SLC5A9: variants seen among roughly 807,000 people sequenced by gnomAD.
SLC5A9 encodes solute carrier family 5 member 9, also known as sodium/glucose cotransporter 4.
In SLC5A9, 59 loss-of-function variants were observed where a neutral mutation model predicts 70.9. That is an observed-to-expected ratio of 0.83 (90% CI 0.68 to 1.03). The LOEUF (loss-of-function observed/expected upper bound fraction) is 1.03. Among genes scored for constraint, SLC5A9 ranks in the 50% least tolerant of loss-of-function variants. The probability of loss-of-function intolerance (pLI) is 0.00; values close to 1 mark genes in which losing one functional copy is unlikely to be tolerated. For missense variants in SLC5A9, 832 were observed against 881.1 expected, an observed-to-expected ratio of 0.94 and a Z score of 0.71; for synonymous variants, 340 against 346.5, an observed-to-expected ratio of 0.98 and a Z score of 0.21.
At chr1:48,237,579 C>T in intron 10 of SLC5A9, 100 bp from the exon 11 acceptor site, 1 of 1,150,148 alleles carries the variant, frequency 8.7e-7, no homozygotes, top group East Asian at 2.4e-5. Flanking sequence ...ATTGTACATT[C>T]CCCTTCTTTC....
chr1:48,232,897 G>A (rs1396646841), intron 8 of SLC5A9, among the ~76,000 whole-genome samples: 1 of 139,946 alleles, frequency 7.1e-6, no homozygotes, highest in Non-Finnish European at 1.6e-5. Flanking sequence ...AAGAAAGGAA[G>A]GAAGGAAGGA....
intron 12 of SLC5A9, chr1:48,240,361 A>AC (rs1204800464): frequency 1.3e-5 from 2 of 151,726 alleles, no homozygotes; most frequent in African/African-American, 4.9e-5. Context: ...TTCTGTAAAG[A>AC]CCCCATCTCC....
intron 2 of SLC5A9, among the ~76,000 whole-genome samples, chr1:48,227,599 G>A (rs1428132268): frequency 1.3e-5 from 2 of 150,656 alleles, no homozygotes; most frequent in Non-Finnish European, 3.0e-5. Context: ...GCCTGTGTGT[G>A]TGATTGCATC....
intron 1 of SLC5A9, among the ~76,000 whole-genome samples, chr1:48,223,370 C>T (rs1030293893): frequency 3.3e-5 from 5 of 152,138 alleles, no homozygotes; most frequent in Admixed American, 1.3e-4. Context: ...CTCTGTTCTC[C>T]ATTGTTCCCA....
rs779722385 is a variant in SLC5A9 at position 48,232,080 on chromosome 1, G to A, written c.826G>A (p.Gly276Arg). The A allele has an allele frequency of 4.2e-5, 67 of 1,613,878 alleles. No individual in the cohort carries two copies. The South Asian group carries it at 5.2e-4, about 12-fold the overall frequency. ...AFHILRDPVSGDIPWPGLIFG... is the reference protein window; with the variant it reads ...AFHILRDPVSRDIPWPGLIFG... ...CCACATTCTTCGGGACCCTGTGAGC[G>A]GGGACATCCCTTGGCCAGGTCTCAT... The change falls in exon 7 of 14, where the codon GGG (glycine) becomes AGG (arginine). Residue 276 changes from glycine (G) to arginine (R), a missense_variant. Coordinates refer to ENST00000438567, the MANE Select transcript of SLC5A9 (RefSeq NM_001011547.3).
intron 13 of SLC5A9, 76 bp downstream of exon 13, chr1:48,242,692 G>C: frequency 7.3e-7 from 1 of 1,378,824 alleles, no homozygotes; most frequent in South Asian, 1.5e-5. Context: ...GCGGTCTTTG[G>C]GATGGGGACT....
intron 2 of SLC5A9, among the ~76,000 whole-genome samples, chr1:48,227,082 T>C (rs1024201354): frequency 3.9e-5 from 6 of 152,076 alleles, no homozygotes; most frequent in African/African-American, 1.4e-4. Flanking sequence ...TGTGCATACC[T>C]GTGCGTGTGA....
Position 48,229,388 on chromosome 1 carries a change from T to C in SLC5A9, c.433T>C (p.Phe145Leu), listed in dbSNP as rs1644214136. 6.2e-7 allele frequency: 1 copy of C among 1,613,976 alleles called. No homozygotes were observed. Among genetic ancestry groups the C allele is most frequent in the Admixed American group, 1.7e-5 (1 of 59,994 alleles). The change falls in exon 4 of 14, where the codon TTT becomes CTT. Residue 145 changes from phenylalanine (F) to leucine (L), a missense_variant. By Grantham distance (22) the Phe-to-Leu change is conservative. Transcript: ENST00000438567. ...VTMPQYLKKRFGGQRIQVYMS... is the reference protein window; with the variant it reads ...VTMPQYLKKRLGGQRIQVYMS... ...AATGCCGCAGTATCTGAAGAAGCGA[T>C]TTGGGGGCCAGAGGATCCAGGTGTA...
At position 48,231,579 on chromosome 1, in the gene SLC5A9, G is replaced by A. The variant is rs141963205; in HGVS notation, c.645G>A (p.Leu215=). 1.2e-5 allele frequency: 20 copies of A among 1,614,042 alleles called. No homozygotes were observed. Among genetic ancestry groups the A allele is most frequent in the African/African-American group, 2.7e-5 (2 of 74,918 alleles). Residue 215 remains leucine, a synonymous_variant, in exon 6 of 14, where the codon CTG becomes CTA. Coordinates refer to ENST00000438567, the MANE Select transcript of SLC5A9 (RefSeq NM_001011547.3). ...TGGCCGTGATCTACACAGATGCTCT[G>A]CAGACGGTGATCATGGTAGGGGGAG... ...GLMAVIYTDA[L]QTVIMVGGAL...
chr1:48,228,686 C>G, intron 2 of SLC5A9, 164 bp from the exon 3 acceptor site: 1 of 1,167,602 alleles, frequency 8.6e-7, no homozygotes, highest in Non-Finnish European at 1.2e-6. Context: ...ATGACTAATA[C>G]CCCTCCCTGC....
chr1:48,243,160 A>T (rs371924432), intron 13 of SLC5A9, among the ~76,000 whole-genome samples: 1 of 151,962 alleles, frequency 6.6e-6, no homozygotes, highest in South Asian at 2.1e-4. Flanking sequence ...CCCCTTACCC[A>T]TGTCCCCCCC....
At chr1:48,243,756 A>G (rs1357039123) in intron 13 of SLC5A9, among the ~76,000 whole-genome samples, 1 of 152,026 alleles carries the variant, frequency 6.6e-6, no homozygotes, top group African/African-American at 2.4e-5. Context: ...TCCCAGGAAA[A>G]TAAATAAATA....
chr1:48,232,295 G>A, intron 7 of SLC5A9, 72 bp from the exon 8 acceptor site: 1 of 1,585,278 alleles, frequency 6.3e-7, no homozygotes, highest in Non-Finnish European at 8.6e-7. Flanking sequence ...CATGCCCAGT[G>A]TCAGGGCTCA....
rs539295634 is a variant in SLC5A9, at chr1:48,232,851, G to A, written c.1033+349G>A. ...AAAGAGGGAGGGAGGAAGGAAGGAA[G>A]GGGAAAGGAAGAAAAGAAGAAGAAA... On this transcript the variant is annotated intron_variant, in intron 8 of 13. Coordinates refer to ENST00000438567, the MANE Select transcript of SLC5A9 (RefSeq NM_001011547.3). 1.1e-4 allele frequency among the ~76,000 whole-genome samples: 16 copies of A among 141,864 alleles called. No individual in the cohort carries two copies. The South Asian group carries it at 3.4e-3, about 30-fold the overall frequency. 93.1% of individuals were successfully genotyped at this position (141,864 alleles called of 152,430 possible).
chr1:48,228,603 C>A (rs934112046), intron 2 of SLC5A9: 1 of 534,196 alleles, frequency 1.9e-6, no homozygotes, highest in Non-Finnish European at 3.2e-6. Flanking sequence ...CCCACTTCAC[C>A]ATTTACTCAC....
In SLC5A9 at chr1:48,232,160, C is replaced by T. The variant is rs764559915; in HGVS notation, c.897+9C>T. 2.5e-6 allele frequency: 4 copies of T among 1,604,504 alleles called. No individual in the cohort carries two copies. The Middle Eastern group carries it at 6.7e-4, about 268-fold the overall frequency. ...GTTGGTGCACAGACCAGGTAATCCC[C>T]CAGCCAGGCTTAGCCCAGCCTGCCA... On this transcript the variant is annotated intron_variant, in intron 7 of 13. Transcript: ENST00000438567.
At chr1:48,244,822 TATTATATATATAA>T (rs1644435786) in intron 13 of SLC5A9, among the ~76,000 whole-genome samples, 1 of 121,274 alleles carries the variant, frequency 8.2e-6, no homozygotes, top group Non-Finnish European at 1.6e-5. Context: ...ATTATATTTA[TATTATATATATAA>T]ATTATATATA....
intron 6 of SLC5A9, 33 bp downstream of exon 6, chr1:48,231,658 A>C (rs1644249642): frequency 6.2e-7 from 1 of 1,610,870 alleles, no homozygotes; most frequent in Non-Finnish European, 8.5e-7. Context: ...CCCCACTGTC[A>C]TTCTTAAATT....
At chr1:48,241,988 G>A (rs554552171) in intron 12 of SLC5A9, 3 of 456,450 alleles carry the variant, frequency 6.6e-6, no homozygotes, top group South Asian at 4.6e-5. Context: ...CCTCCAGGCT[G>A]GACCCCTTTC....
Sources: allele counts gnomAD v4.1 joint callset (sites outside exome capture counted in the v4.1 genomes callset), GRCh38; gene constraint gnomAD v4.1.1; transcripts MANE v1.5; gene names NCBI Gene and HGNC (gene_info 2026-07-23, HGNC 2026-07-21).